Variants in AGAP1 observed in about 807,000 individuals in gnomAD.
AGAP1 encodes arf-GAP with GTPase, ANK repeat and PH domain-containing protein 1.
In AGAP1, 29 loss-of-function variants were observed where a neutral mutation model predicts 105.3. The observed-to-expected ratio is 0.28, with a 90% CI of 0.21 to 0.38. The LOEUF is 0.38. Among genes scored for constraint, AGAP1 ranks in the 10% least tolerant of loss-of-function variants. The pLI, the probability that AGAP1 is intolerant of heterozygous loss-of-function variation, is 1.00. For synonymous variants in AGAP1, 509 were observed against 485.9 expected, an observed-to-expected ratio of 1.05 and a Z score of -0.63; for missense variants, 998 against 1,165.1, an observed-to-expected ratio of 0.86 and a Z score of 2.09.
At chr2:236,065,362 C>T (rs927644466) in intron 16 of AGAP1, among the ~76,000 whole-genome samples, 2 of 152,184 alleles carry the variant, frequency 1.3e-5, no homozygotes, top group East Asian at 1.9e-4. Context: ...ACTCTGCATT[C>T]GACTGGATGC....
chr2:235,973,516 A>G lies in AGAP1; in HGVS notation c.1645+4893A>G, dbSNP rs13424018. On this transcript the variant is annotated intron_variant, in intron 13 of 17. Coordinates refer to ENST00000304032, the MANE Select transcript of AGAP1 (RefSeq NM_001037131.3). This position sits in a 1 kb window ranked among gnomAD's most constrained non-coding sequence, Gnocchi z 4.7. ...AGATGTGACTGGGCAGGATGGTGAC[A>G]GGGCCTGAAGCCTATGCATGGAGGG... Among the ~76,000 whole-genome samples the G allele has an allele frequency of 0.14, 21,116 of 152,138 alleles. 3,918 individuals are homozygous for G. Among genetic ancestry groups the G allele is most frequent in the African/African-American group, 0.43 (17,707 of 41,448 alleles).
chr2:235,882,380 C>T lies in AGAP1; in HGVS notation c.1051-965C>T. On this transcript the variant is annotated intron_variant, in intron 9 of 17. Transcript: ENST00000304032. This position sits in a 1 kb window ranked among gnomAD's most constrained non-coding sequence, Gnocchi z 4.6. ...CGGGCTCTTAGGAAATTTCACTCCGCTTCTGCCCAGTGGTCTCTTTGGTCG... is the reference window on the plus strand; with the variant it reads ...CGGGCTCTTAGGAAATTTCACTCCGTTTCTGCCCAGTGGTCTCTTTGGTCG... The T allele has an allele frequency of 2.0e-6, 3 of 1,522,002 alleles. No individual in the cohort carries two copies. The highest frequency in any genetic ancestry group is 2.3e-5 in the South Asian group (2 of 87,232). The allele number at this position is 1,522,002 out of a possible 1,614,324, so 94.3% of individuals were successfully genotyped here. A position where few individuals can be genotyped will look rare whatever the true frequency, so the allele number is the denominator to read the frequency against.
chr2:235,570,751 T>C (rs1220828314), intron 1 of AGAP1, among the ~76,000 whole-genome samples: 2 of 152,228 alleles, frequency 1.3e-5, no homozygotes, highest in African/African-American at 4.8e-5. Context: ...TTTCTTCCTC[T>C]ATGAAGTGGA....
intron 5 of AGAP1, among the ~76,000 whole-genome samples, chr2:235,746,794 GA>G (rs1352342282): frequency 3.9e-5 from 6 of 152,054 alleles, no homozygotes; most frequent in African/African-American, 1.4e-4. Context: ...CAGGAGGTTT[GA>G]CTTTAGGACT....
In AGAP1 at chr2:235,623,381, ATTAG is replaced by A. The variant is rs1289719633; in HGVS notation, c.164-85794_164-85791del. On this transcript the variant is annotated intron_variant, in intron 1 of 17. Coordinates refer to ENST00000304032, the MANE Select transcript of AGAP1 (RefSeq NM_001037131.3). This position sits in a 1 kb window ranked among gnomAD's most constrained non-coding sequence, Gnocchi z 4.5. ...GCAAACCATGTTTTGGGGATGGAAA[ATTAG>A]TTAATTTGGAGATGGTGGGTTATTA... Among the ~76,000 whole-genome samples the A allele has an allele frequency of 5.9e-5, 9 of 152,314 alleles. No individual in the cohort carries two copies. Among genetic ancestry groups the A allele is most frequent in the South Asian group, 2.1e-4 (1 of 4,818 alleles).
chr2:235,963,515 G>A lies in AGAP1; in HGVS notation c.1484-4947G>A, dbSNP rs1331964993. Among the ~76,000 whole-genome samples the A allele has an allele frequency of 6.6e-6, 1 of 152,222 alleles. No homozygotes were observed. The highest frequency in any genetic ancestry group is 1.5e-5 in the Non-Finnish European group (1 of 68,036). ...GTTTTCAGTTGTCAAAAATACGTGT[G>A]AGTTGGGTACCATATAGCCCTCAGC... On this transcript the variant is annotated intron_variant, in intron 12 of 17. Transcript: ENST00000304032. The surrounding 1 kb of genome is among the most constrained non-coding windows in gnomAD (Gnocchi z 5.1).
In AGAP1 at chr2:236,073,907, C is replaced by A. The variant is rs183323992; in HGVS notation, c.2114+24626C>A. Among the ~76,000 whole-genome samples, 2 of 150,444 alleles carry A rather than the reference C, an allele frequency of 1.3e-5. No individual in the cohort carries two copies. The highest frequency in any genetic ancestry group is 6.7e-5 in the Admixed American group (1 of 15,004). ...GGTTGGCCTGGGCATGCCCCTCCCC[C>A]CAAGCATTTCCGCTGCACATCCCAG... On this transcript the variant is annotated intron_variant, in intron 16 of 17. Transcript: ENST00000304032. This position sits in a 1 kb window ranked among gnomAD's most constrained non-coding sequence, Gnocchi z 5.4.
Position 235,724,490 on chromosome 2 carries a change from C to T in AGAP1, c.310+6846C>T, listed in dbSNP as rs929162838. ...GCTGAGGTAGCTGGAAGAGTATGGT[C>T]AAGGAGCTCAAGGCAGCTCTTTCAC... On this transcript the variant is annotated intron_variant, in intron 3 of 17. Coordinates refer to ENST00000304032, the MANE Select transcript of AGAP1 (RefSeq NM_001037131.3). The surrounding 1 kb of genome is among the most constrained non-coding windows in gnomAD (Gnocchi z 4.9). 1.3e-5 allele frequency among the ~76,000 whole-genome samples: 2 copies of T among 152,076 alleles called. No individual in the cohort carries two copies. The highest frequency in any genetic ancestry group is 2.9e-5 in the Non-Finnish European group (2 of 68,018).
In AGAP1 at chr2:235,982,306, A is replaced by G. The variant is rs954703263; in HGVS notation, c.1645+13683A>G. ...GCAGAGTAACTCTTACAATTAACAT[A>G]TAATTACCTCAACGGGCCAATTAAT... is the stretch of plus-strand genomic sequence containing the variant. On this transcript the variant is annotated intron_variant, in intron 13 of 17. Transcript: ENST00000304032. This position sits in a 1 kb window ranked among gnomAD's most constrained non-coding sequence, Gnocchi z 4.9. 4.6e-5 allele frequency among the ~76,000 whole-genome samples: 7 copies of G among 150,726 alleles called. No individual in the cohort carries two copies. Among genetic ancestry groups the G allele is most frequent in the South Asian group, 2.1e-4 (1 of 4,790 alleles).
Position 235,614,898 on chromosome 2 carries a change from G to A in AGAP1, c.164-94281G>A, listed in dbSNP as rs933765521. Among the ~76,000 whole-genome samples, 5 of 152,178 alleles carry A rather than the reference G, an allele frequency of 3.3e-5. No homozygotes were observed. Among genetic ancestry groups the A allele is most frequent in the African/African-American group, 2.4e-5 (1 of 41,440 alleles). On this transcript the variant is annotated intron_variant, in intron 1 of 17. Coordinates refer to ENST00000304032, the MANE Select transcript of AGAP1 (RefSeq NM_001037131.3). This position sits in a 1 kb window ranked among gnomAD's most constrained non-coding sequence, Gnocchi z 4.7. ...TTTTCTCTACTCAGGGCCCAATGCCGTATGTGATATTTTACAACAAATTTG... is the reference window on the plus strand; with the variant it reads ...TTTTCTCTACTCAGGGCCCAATGCCATATGTGATATTTTACAACAAATTTG...
In AGAP1 at chr2:235,893,026, C is replaced by A. The variant is rs762947071; in HGVS notation, c.1155+9577C>A. 1.1e-4 allele frequency among the ~76,000 whole-genome samples: 17 copies of A among 152,212 alleles called. No individual in the cohort carries two copies. Among genetic ancestry groups the A allele is most frequent in the Non-Finnish European group, 1.5e-4 (10 of 68,036 alleles). On this transcript the variant is annotated intron_variant, in intron 10 of 17. Coordinates refer to ENST00000304032, the MANE Select transcript of AGAP1 (RefSeq NM_001037131.3). The surrounding 1 kb of genome is among the most constrained non-coding windows in gnomAD (Gnocchi z 4.7). ...ATCTTAAGATCAAAAATTATTTCAT[C>A]TTGCTTTCTTGGTCATAAGCTAAGG...
At chr2:235,726,973 T>C (rs777954692) in intron 3 of AGAP1, among the ~76,000 whole-genome samples, 1 of 152,128 alleles carries the variant, frequency 6.6e-6, no homozygotes, top group Non-Finnish European at 1.5e-5. Flanking sequence ...CCCAGCAAGG[T>C]CTCCCCACTT....
chr2:235,511,999 C>CATGA (rs142775356), intron 1 of AGAP1, among the ~76,000 whole-genome samples: 1 of 133,740 alleles, frequency 7.5e-6, no homozygotes, highest in Non-Finnish European at 1.7e-5. Flanking sequence ...TGTGTGAATG[C>CATGA]GTGTGTGACT....
rs2149128843 is a variant in AGAP1 at position 235,557,793 on chromosome 2, A to C, written c.163+62944A>C. 6.6e-6 allele frequency among the ~76,000 whole-genome samples: 1 copy of C among 152,290 alleles called. No homozygotes were observed. The highest frequency in any genetic ancestry group is 6.5e-5 in the Admixed American group (1 of 15,300). On this transcript the variant is annotated intron_variant, in intron 1 of 17. Transcript: ENST00000304032. The surrounding 1 kb of genome is among the most constrained non-coding windows in gnomAD (Gnocchi z 4.7). ...TACGTGCTGGGGTTGTGCCTTATGAAAACAACGGACTTGGCTACATTTCGA... is the reference window on the plus strand; with the variant it reads ...TACGTGCTGGGGTTGTGCCTTATGACAACAACGGACTTGGCTACATTTCGA...
chr2:236,033,980 G>A lies in AGAP1; in HGVS notation c.1646-2581G>A, dbSNP rs1035914150. Among the ~76,000 whole-genome samples the A allele has an allele frequency of 2.4e-4, 37 of 152,176 alleles. 1 individual carries two copies. The highest frequency in any genetic ancestry group is 2.0e-3 in the Admixed American group (31 of 15,270). Reference sequence around the variant, plus strand: ...AGATTAAACAAAGTGTGAGCCTGTCGAGTTGATCTCATAATGAAAAATTGT... The same window carrying A: ...AGATTAAACAAAGTGTGAGCCTGTCAAGTTGATCTCATAATGAAAAATTGT... On this transcript the variant is annotated intron_variant, in intron 13 of 17. Transcript: ENST00000304032.
At position 235,792,185 on chromosome 2, in the gene AGAP1, A is replaced by G. The variant is rs909088422; in HGVS notation, c.674-5574A>G. Reference sequence around the variant, plus strand: ...CTTCCCAAACGTGGGCTTGATTTACACCGAGTCATTAGTTGTCATCTAATG... The same window carrying G: ...CTTCCCAAACGTGGGCTTGATTTACGCCGAGTCATTAGTTGTCATCTAATG... On this transcript the variant is annotated intron_variant, in intron 6 of 17. Transcript: ENST00000304032. The surrounding 1 kb of genome is among the most constrained non-coding windows in gnomAD (Gnocchi z 5.3). Among the ~76,000 whole-genome samples the G allele has an allele frequency of 6.6e-6, 1 of 152,082 alleles. No individual in the cohort carries two copies. The highest frequency in any genetic ancestry group is 1.5e-5 in the Non-Finnish European group (1 of 68,032).
At chr2:235,802,248 A>G (rs1017833148) in intron 8 of AGAP1, among the ~76,000 whole-genome samples, 8 of 152,188 alleles carry the variant, frequency 5.3e-5, no homozygotes, top group African/African-American at 1.7e-4. Context: ...CCCTGCAGAC[A>G]CACAGGTGCA....
rs1947974837 is a variant in AGAP1 at position 235,662,037 on chromosome 2, G to T, written c.164-47142G>T. 6.6e-6 allele frequency among the ~76,000 whole-genome samples: 1 copy of T among 152,162 alleles called. No homozygotes were observed. The highest frequency in any genetic ancestry group is 2.4e-5 in the African/African-American group (1 of 41,442). ...GGGCAGTGTTATCCTGGGTGAGTTG[G>T]GGTATGGCCATAGGAGGGGGCTCCA... is the stretch of plus-strand genomic sequence containing the variant. On this transcript the variant is annotated intron_variant, in intron 1 of 17. Coordinates refer to ENST00000304032, the MANE Select transcript of AGAP1 (RefSeq NM_001037131.3). This position sits in a 1 kb window ranked among gnomAD's most constrained non-coding sequence, Gnocchi z 4.2.
intron 1 of AGAP1, among the ~76,000 whole-genome samples, chr2:235,634,707 C>CA (rs1413922836): frequency 6.6e-6 from 1 of 152,162 alleles, no homozygotes; most frequent in East Asian, 1.9e-4. Context: ...GCTTTTTCCT[C>CA]ATCAGATTTC....
Sources: allele counts gnomAD v4.1 joint callset (sites outside exome capture counted in the v4.1 genomes callset), GRCh38; gene constraint gnomAD v4.1.1; non-coding constraint Gnocchi (gnomAD v3.1); transcripts MANE v1.5; gene names NCBI Gene and HGNC (gene_info 2026-07-23, HGNC 2026-07-21).